Variants in NRBP2 observed in about 807,000 individuals in gnomAD.
The protein encoded by NRBP2 is nuclear receptor binding protein 2.
Under a neutral mutation model 74.4 loss-of-function variants are expected in NRBP2, and 47 were observed. That is an observed-to-expected ratio of 0.63 (90% confidence interval 0.50 to 0.81). NRBP2 has a LOEUF of 0.81. Ranked by LOEUF, NRBP2 falls within the 30% of genes least tolerant of loss-of-function variation. The pLI, the probability that NRBP2 is intolerant of heterozygous loss-of-function variation, is 0.00. For missense variants in NRBP2, 613 were observed against 690.1 expected (o/e 0.89, Z 1.25); for synonymous variants, 312 against 273.8 (o/e 1.14, Z -1.38).
rs1366802408 is a variant in NRBP2 at position 143,833,750 on chromosome 8, TTTAAG to T, written c.*1907_*1911del. 2 of 152,194 alleles carry T rather than the reference TTTAAG, an allele frequency of 1.3e-5. No individual in the cohort carries two copies. Among genetic ancestry groups the T allele is most frequent in the Non-Finnish European group, 2.9e-5 (2 of 68,034 alleles). The allele number at this position is 152,194 out of a possible 1,614,324, so 9.4% of individuals were successfully genotyped here. On this transcript the variant is annotated 3_prime_UTR_variant, in exon 18 of 18. Coordinates refer to ENST00000442628, the MANE Select transcript of NRBP2 (RefSeq NM_178564.4). Reference sequence around the variant, plus strand: ...GTGCAGCAATGGTGGTATTGATGCTTTTAAGTTCAGTTTAATCAGTAGTACAATGT... The same window carrying T: ...GTGCAGCAATGGTGGTATTGATGCTTTTCAGTTTAATCAGTAGTACAATGT...
chr8:143,832,155 C>T (rs1353578012), downstream of NRBP2, among the ~76,000 whole-genome samples: 1 of 152,082 alleles, frequency 6.6e-6, no homozygotes, highest in African/African-American at 2.4e-5. Flanking sequence ...TGTGCTGTGT[C>T]AACTCAGAGT....
rs1818306811 is a variant in NRBP2 at position 143,835,214 on chromosome 8, A to G, written c.*448T>C. 5.1e-6 allele frequency: 1 copy of G among 196,162 alleles called. No individual in the cohort carries two copies. Among genetic ancestry groups the G allele is most frequent in the Non-Finnish European group, 1.1e-5 (1 of 94,968 alleles). 12.2% of individuals were successfully genotyped at this position (196,162 alleles called of 1,614,324 possible). Reference sequence around the variant, plus strand: ...CTGTGCAGGCTCCTTGTGTGGGTCTATGGTGCCAGCAGGGGATGGCTGCTC... The same window carrying G: ...CTGTGCAGGCTCCTTGTGTGGGTCTGTGGTGCCAGCAGGGGATGGCTGCTC... On this transcript the variant is annotated 3_prime_UTR_variant, in exon 18 of 18. Coordinates refer to ENST00000442628, the MANE Select transcript of NRBP2 (RefSeq NM_178564.4). The surrounding 1 kb of genome is among the most constrained non-coding windows in gnomAD (Gnocchi z 4.9).
In NRBP2 at chr8:143,835,471, A is replaced by ACCCCCCCC; in HGVS notation, c.*190_*191insGGGGGGGG. ...CTGGGAGGCCTAACGGCTCCCCCACACCCACCCCCCAACCCCTCGGCGCCC... is the reference window on the plus strand; with the variant it reads ...CTGGGAGGCCTAACGGCTCCCCCACACCCCCCCCCCCACCCCCCAACCCCTCGGCGCCC... On this transcript the variant is annotated 3_prime_UTR_variant, in exon 18 of 18. Transcript: ENST00000442628. The surrounding 1 kb of genome is among the most constrained non-coding windows in gnomAD (Gnocchi z 4.9). The ACCCCCCCC allele has an allele frequency of 1.6e-6, 1 of 641,892 alleles. No individual in the cohort carries two copies. Among genetic ancestry groups the ACCCCCCCC allele is most frequent in the Non-Finnish European group, 2.8e-6 (1 of 360,874 alleles). The allele number at this position is 641,892 out of a possible 1,614,324, so 39.8% of individuals were successfully genotyped here. A position where few individuals can be genotyped will look rare whatever the true frequency, so the allele number is the denominator to read the frequency against.
rs539183961 is a variant in NRBP2 at position 143,837,419 on chromosome 8, G to A, written c.1064C>T (p.Pro355Leu). The A allele has an allele frequency of 2.0e-5, 32 of 1,602,036 alleles. No individual in the cohort carries two copies. The highest frequency in any genetic ancestry group is 1.6e-4 in the Middle Eastern group (1 of 6,062). The stretch of plus-strand genomic sequence containing the variant: ...GCTGACTGCTCACCGCCACTGCAGC[G>A]GGGGCCTGCGGGGCCGGGGAAGCTC... Reference protein sequence around the residue: ...LAELPRPRRPPLQWRYSEVSF... With the variant: ...LAELPRPRRPLLQWRYSEVSF... Residue 355 changes from proline (P) to leucine (L), a missense_variant, in exon 12 of 18, where the codon CCG (proline) becomes CTG (leucine). Physicochemically the swap from Pro to Leu is moderately conservative, Grantham distance 98. Transcript: ENST00000442628. This position sits in a 1 kb window ranked among gnomAD's most constrained non-coding sequence, Gnocchi z 4.3.
chr8:143,839,851 C>T lies in NRBP2; in HGVS notation c.355-26G>A. ...CTGCACGGTGCGAGCTCAGGATTTC[C>T]ACCAGCTGCGGGTTCGTCCCCATGC... On this transcript the variant is annotated intron_variant, in intron 3 of 17. Coordinates refer to ENST00000442628, the MANE Select transcript of NRBP2 (RefSeq NM_178564.4). This position sits in a 1 kb window ranked among gnomAD's most constrained non-coding sequence, Gnocchi z 5.1. 1 of 1,535,934 alleles carries T rather than the reference C, an allele frequency of 6.5e-7. No homozygotes were observed. Among genetic ancestry groups the T allele is most frequent in the Non-Finnish European group, 8.7e-7 (1 of 1,146,718 alleles).
chr8:143,834,656 A>G lies in NRBP2; in HGVS notation c.*1006T>C, dbSNP rs1412068064. On this transcript the variant is annotated 3_prime_UTR_variant, in exon 18 of 18. Transcript: ENST00000442628. ...AAGGCATGAATGCGCTAATGTATAC[A>G]TACAGTTTAAAATGCTTAAGGCCAT... 6.6e-6 allele frequency: 1 copy of G among 152,306 alleles called. No homozygotes were observed. The highest frequency in any genetic ancestry group is 2.4e-5 in the African/African-American group (1 of 41,478). The allele number at this position is 152,306 out of a possible 1,614,324, so 9.4% of individuals were successfully genotyped here.
At chr8:143,836,702 G>GGGGGTGGGA (rs1230551822) in intron 14 of NRBP2, among the ~76,000 whole-genome samples, 1 of 142,798 alleles carries the variant, frequency 7.0e-6, no homozygotes, top group Non-Finnish European at 1.5e-5. Context: ...GAGGGGTGGG[G>GGGGGTGGGA]GGGGTGGGAG....
Position 143,835,476 on chromosome 8 carries a change from C to A in NRBP2, c.*186G>T, listed in dbSNP as rs1381529619. The A allele has an allele frequency of 7.6e-6, 5 of 661,876 alleles. No individual in the cohort carries two copies. Among genetic ancestry groups the A allele is most frequent in the East Asian group, 2.8e-5 (1 of 35,274 alleles). 41.0% of individuals were successfully genotyped at this position (661,876 alleles called of 1,614,324 possible). The stretch of plus-strand genomic sequence containing the variant: ...AGGCCTAACGGCTCCCCCACACCCA[C>A]CCCCCAACCCCTCGGCGCCCAAGGC... On this transcript the variant is annotated 3_prime_UTR_variant, in exon 18 of 18. Coordinates refer to ENST00000442628, the MANE Select transcript of NRBP2 (RefSeq NM_178564.4). The surrounding 1 kb of genome is among the most constrained non-coding windows in gnomAD (Gnocchi z 4.9).
At chr8:143,831,522 A>G (rs565852639), downstream of NRBP2, among the ~76,000 whole-genome samples, 5 of 151,696 alleles carry the variant, frequency 3.3e-5, no homozygotes, top group Non-Finnish European at 7.4e-5. Flanking sequence ...TAGAGAGGCT[A>G]AGGTGGGAGG....
At chr8:143,831,487 G>A (rs1818164687), downstream of NRBP2, among the ~76,000 whole-genome samples, 1 of 152,196 alleles carries the variant, frequency 6.6e-6, no homozygotes, top group African/African-American at 2.4e-5. Flanking sequence ...TGGGCATGGT[G>A]GCACACGCCT....
In NRBP2 at chr8:143,839,186, C is replaced by T. The variant is rs1169814846; in HGVS notation, c.590G>A (p.Arg197Gln). The T allele has an allele frequency of 1.4e-5, 22 of 1,528,036 alleles. No homozygotes were observed. Among genetic ancestry groups the T allele is most frequent in the South Asian group, 2.4e-5 (2 of 83,142 alleles). The allele number at this position is 1,528,036 out of a possible 1,614,324, so 94.7% of individuals were successfully genotyped here. A position where few individuals can be genotyped will look rare whatever the true frequency, so the allele number is the denominator to read the frequency against. ...TCCGCACTTACCATTGGAGAAGATT[C>T]GGTGCCACACTGCCAAGGGGCGGGA... is the stretch of plus-strand genomic sequence containing the variant. ...GLIKIGSVWH[R>Q]IFSNALPDDL... The change falls in exon 7 of 18, where the codon CGA (arginine) becomes CAA (glutamine). Residue 197 changes from arginine to glutamine, a missense_variant. This residue lies in a region of NRBP2 where 332 missense variants were observed against 429.2 expected (regional missense o/e 0.77). Transcript: ENST00000442628. This position sits in a 1 kb window ranked among gnomAD's most constrained non-coding sequence, Gnocchi z 5.1.
intron 10 of NRBP2, chr8:143,838,063 G>A (rs542064632): frequency 7.4e-4 from 459 of 618,424 alleles, no homozygotes; most frequent in Non-Finnish European, 1.1e-3. Context: ...CCTTTTGATC[G>A]GCTCAGCTCG....
downstream of NRBP2, among the ~76,000 whole-genome samples, chr8:143,832,125 AC>A (rs1455431024): frequency 2.0e-5 from 3 of 152,030 alleles, no homozygotes; most frequent in Non-Finnish European, 4.4e-5. Flanking sequence ...CTTACCCCCA[AC>A]CCCGTGCTCT....
At position 143,838,145 on chromosome 8, in the gene NRBP2, G is replaced by A. The variant is rs561467852; in HGVS notation, c.841-390C>T. The A allele has an allele frequency of 8.5e-5, 37 of 434,966 alleles. 1 individual carries two copies. Among genetic ancestry groups the A allele is most frequent in the South Asian group, 5.1e-4 (25 of 49,370 alleles). The allele number at this position is 434,966 out of a possible 1,614,324, so 26.9% of individuals were successfully genotyped here. A position where few individuals can be genotyped will look rare whatever the true frequency, so the allele number is the denominator to read the frequency against. On this transcript the variant is annotated intron_variant, in intron 10 of 17. Coordinates refer to ENST00000442628, the MANE Select transcript of NRBP2 (RefSeq NM_178564.4). Reference sequence around the variant, plus strand: ...TCCGTGCCCAGCCCGGCTCCAGCTCGCCACCAGCCCCGACCAGGCACCCCC... The same window carrying A: ...TCCGTGCCCAGCCCGGCTCCAGCTCACCACCAGCCCCGACCAGGCACCCCC...
At chr8:143,830,297 G>A (rs927269351), downstream of NRBP2, among the ~76,000 whole-genome samples, 2 of 152,262 alleles carry the variant, frequency 1.3e-5, no homozygotes, top group Admixed American at 6.5e-5. Flanking sequence ...CTTGGCTATG[G>A]AGGCCAGTGT....
chr8:143,838,925 C>G lies in NRBP2; in HGVS notation c.702G>C (p.Gly234=). Residue 234 remains glycine, a synonymous_variant, in exon 9 of 18, where the codon GGG becomes GGC. Transcript: ENST00000442628. ...CAAAGGAGAAGATGTCCACAGCGGT[C>G]CCATCGGCCACCTCTGAACAGAAGA... ...FPPEYGEVAD[G]TAVDIFSFGM... The G allele has an allele frequency of 6.2e-7, 1 of 1,609,398 alleles. No individual in the cohort carries two copies. The highest frequency in any genetic ancestry group is 1.1e-5 in the South Asian group (1 of 89,962).
Position 143,835,569 on chromosome 8 carries a change from A to G in NRBP2, c.*93T>C, listed in dbSNP as rs1554651246. 1.9e-6 allele frequency: 2 copies of G among 1,070,592 alleles called. No individual in the cohort carries two copies. The highest frequency in any genetic ancestry group is 2.7e-6 in the Non-Finnish European group (2 of 746,980). 66.3% of individuals were successfully genotyped at this position (1,070,592 alleles called of 1,614,324 possible). On this transcript the variant is annotated 3_prime_UTR_variant, in exon 18 of 18. Coordinates refer to ENST00000442628, the MANE Select transcript of NRBP2 (RefSeq NM_178564.4). The surrounding 1 kb of genome is among the most constrained non-coding windows in gnomAD (Gnocchi z 4.9). ...CCGGGGCCTTTGTGCTCCCAGGCGC[A>G]TGGAGGAGGGCAGCCCCACGGTGCT... is the stretch of plus-strand genomic sequence containing the variant.
chr8:143,832,970 TAA>T (rs1391164324), downstream of NRBP2, among the ~76,000 whole-genome samples: 1 of 152,060 alleles, frequency 6.6e-6, no homozygotes, highest in African/African-American at 2.4e-5. Context: ...GACAAACAGG[TAA>T]AGACTCCACA....
chr8:143,840,009 C>A lies in NRBP2; in HGVS notation c.274G>T (p.Glu92Ter), dbSNP rs782244228. The change falls in exon 3 of 18, where the codon GAG becomes TAG. Residue 92 changes from glutamate (E) to a stop codon, truncating the protein, a stop_gained. Transcript: ENST00000442628. LOFTEE classifies it high-confidence loss of function. This position sits in a 1 kb window ranked among gnomAD's most constrained non-coding sequence, Gnocchi z 5.7. ...AHEEKIQTVF[E>*]QLVLVDHPNI... ...GGGTGGTCCACCAGCACCAGCTGCTCGAACACGGTCTGGATCTTCTCCTGG... is the reference window on the plus strand; with the variant it reads ...GGGTGGTCCACCAGCACCAGCTGCTAGAACACGGTCTGGATCTTCTCCTGG... 2.0e-6 allele frequency: 3 copies of A among 1,536,072 alleles called. No individual in the cohort carries two copies. The African/African-American group carries it at 4.1e-5, about 21-fold the overall frequency.
Sources: allele counts gnomAD v4.1 joint callset (sites outside exome capture counted in the v4.1 genomes callset), GRCh38; gene constraint gnomAD v4.1.1; regional missense constraint gnomAD v4.1.1; non-coding constraint Gnocchi (gnomAD v3.1); transcripts MANE v1.5; gene names NCBI Gene and HGNC (gene_info 2026-07-23, HGNC 2026-07-21).